The following PDCD6IP variants were observed in gnomAD, a reference collection of about 807,000 sequenced individuals.
PDCD6IP encodes the protein programmed cell death 6-interacting protein.
A neutral mutation model predicts 103.7 loss-of-function variants in PDCD6IP; 43 were observed. The ratio of observed to expected loss-of-function variants is 0.41; its 90% CI spans 0.32 to 0.53. PDCD6IP has a LOEUF of 0.53. Ranked by LOEUF, PDCD6IP falls within the 20% of genes least tolerant of loss-of-function variation. The probability of loss-of-function intolerance (pLI) is 0.16; values close to 1 mark genes in which losing one functional copy is unlikely to be tolerated. For synonymous variants in PDCD6IP, 354 were observed against 378.7 expected (o/e 0.93, Z 0.76); for missense variants, 871 against 1,036.7 (o/e 0.84, Z 2.20).
chr3:33,836,289 C>T (rs1397034739), intron 8 of PDCD6IP, 23 bp downstream of exon 8: 31 of 1,329,004 alleles, frequency 2.3e-5, no homozygotes, highest in Non-Finnish European at 3.3e-5. Flanking sequence ...TTCAGACACA[C>T]TTTAATCTCA....
intron 7 of PDCD6IP, chr3:33,835,157 CTTATGTTCATTTTT>C (rs1388697209): frequency 3.7e-5 from 17 of 453,376 alleles, no homozygotes; most frequent in Admixed American, 1.7e-4. Flanking sequence ...TTGTATGCGG[CTTATGTTCATTTTT>C]TTATAAGGCC....
intron 1 of PDCD6IP, among the ~76,000 whole-genome samples, chr3:33,805,819 A>G (rs986589297): frequency 1.3e-5 from 2 of 151,498 alleles, no homozygotes; most frequent in Non-Finnish European, 2.9e-5. Context: ...ATCTTGGCTC[A>G]CTGCAAGCTC....
At position 33,867,364 on chromosome 3, in the gene PDCD6IP, A is replaced by AT. The variant is rs765087416; in HGVS notation, c.*845dup. Reference sequence around the variant, plus strand: ...TGCAAATTCTGGTAATAATTCTTGCATTTTTTCCCCATAACCTGGTTAAAA... The same window carrying AT: ...TGCAAATTCTGGTAATAATTCTTGCATTTTTTTCCCCATAACCTGGTTAAAA... On this transcript the variant is annotated 3_prime_UTR_variant, in exon 18 of 18. Coordinates refer to ENST00000307296, the MANE Select transcript of PDCD6IP (RefSeq NM_013374.6). 17 of 152,232 alleles carry AT rather than the reference A, an allele frequency of 1.1e-4. No homozygotes were observed. The highest frequency in any genetic ancestry group is 1.9e-4 in the African/African-American group (8 of 41,558). 9.4% of individuals were successfully genotyped at this position (152,232 alleles called of 1,614,324 possible).
intron 3 of PDCD6IP, among the ~76,000 whole-genome samples, chr3:33,818,803 CA>C (rs1227175621): frequency 6.6e-6 from 1 of 152,134 alleles, no homozygotes; most frequent in African/African-American, 2.4e-5. Flanking sequence ...AGGCGTGAGC[CA>C]CTGCACCTGG....
chr3:33,821,237 T>G (rs1400482089), intron 3 of PDCD6IP, among the ~76,000 whole-genome samples: 1 of 151,992 alleles, frequency 6.6e-6, no homozygotes, highest in East Asian at 1.9e-4. Flanking sequence ...CTCAAACTCT[T>G]GGCTTCAAGA....
At chr3:33,823,965 G>A (rs1355230946) in intron 4 of PDCD6IP, among the ~76,000 whole-genome samples, 1 of 152,144 alleles carries the variant, frequency 6.6e-6, no homozygotes, top group Non-Finnish European at 1.5e-5. Context: ...GATAACTGGT[G>A]GTATTAGACC....
intron 16 of PDCD6IP, 32 bp from the exon 17 acceptor site, chr3:33,865,211 A>G (rs1323540824): frequency 6.9e-7 from 1 of 1,453,510 alleles, no homozygotes. Flanking sequence ...AATATGAAAC[A>G]TTTTATAGTC....
At chr3:33,830,811 A>G (rs747299237) in intron 7 of PDCD6IP, among the ~76,000 whole-genome samples, 11 of 152,344 alleles carry the variant, frequency 7.2e-5, no homozygotes, top group Middle Eastern at 3.4e-3. Flanking sequence ...TGCACTCCCA[A>G]GAAGACAAAC....
At chr3:33,834,715 A>G (rs1280243259) in intron 7 of PDCD6IP, among the ~76,000 whole-genome samples, 1 of 152,116 alleles carries the variant, frequency 6.6e-6, no homozygotes, top group Non-Finnish European at 1.5e-5. Flanking sequence ...CTAGTATTAA[A>G]CCATTTTTGT....
chr3:33,840,227 TAAG>T (rs1238933061), intron 9 of PDCD6IP, among the ~76,000 whole-genome samples: 3 of 152,286 alleles, frequency 2.0e-5, no homozygotes, highest in African/African-American at 4.8e-5. Context: ...AAAATACTAT[TAAG>T]AAAATCATAA....
At chr3:33,819,606 A>C (rs1696942169) in intron 3 of PDCD6IP, among the ~76,000 whole-genome samples, 1 of 152,208 alleles carries the variant, frequency 6.6e-6, no homozygotes, top group African/African-American at 2.4e-5. Flanking sequence ...ATTACCTAGG[A>C]GGCCACCAAA....
intron 3 of PDCD6IP, among the ~76,000 whole-genome samples, chr3:33,820,706 T>C (rs1473921181): frequency 1.3e-5 from 2 of 152,242 alleles, no homozygotes; most frequent in African/African-American, 4.8e-5. Context: ...GTCCTCAAGA[T>C]TCATCCGTGT....
intron 3 of PDCD6IP, among the ~76,000 whole-genome samples, chr3:33,818,000 G>C (rs781425001): frequency 6.6e-6 from 1 of 151,022 alleles, no homozygotes; most frequent in Non-Finnish European, 1.5e-5. Flanking sequence ...CTACAGTCTG[G>C]TATGATAATA....
intron 7 of PDCD6IP, among the ~76,000 whole-genome samples, chr3:33,829,278 T>G (rs1032596626): frequency 1.3e-5 from 2 of 152,232 alleles, no homozygotes; most frequent in African/African-American, 2.4e-5. Context: ...CATGGTTTTT[T>G]GAGGTCTCAT....
At chr3:33,822,222 C>T in intron 4 of PDCD6IP, 140 bp downstream of exon 4, 2 of 863,546 alleles carry the variant, frequency 2.3e-6, no homozygotes, top group Non-Finnish European at 3.6e-6. Flanking sequence ...TGAATTTATT[C>T]TTACTGTTAA....
chr3:33,833,697 G>A (rs1055882457), intron 7 of PDCD6IP, among the ~76,000 whole-genome samples: 3 of 152,090 alleles, frequency 2.0e-5, no homozygotes, highest in Non-Finnish European at 4.4e-5. Flanking sequence ...CTGCTTTGCG[G>A]CAATATTTCT....
At chr3:33,808,795 A>G (rs1363449315) in intron 1 of PDCD6IP, among the ~76,000 whole-genome samples, 1 of 152,156 alleles carries the variant, frequency 6.6e-6, no homozygotes, top group Non-Finnish European at 1.5e-5. Flanking sequence ...ACACTCTTAC[A>G]CTATATAGTA....
intron 3 of PDCD6IP, among the ~76,000 whole-genome samples, chr3:33,816,922 T>C (rs1696866216): frequency 6.6e-6 from 1 of 152,098 alleles, no homozygotes; most frequent in Non-Finnish European, 1.5e-5. Context: ...CCAGAAGAAC[T>C]GGGAAGCAAA....
chr3:33,861,722 C>T (rs914659428), intron 15 of PDCD6IP, among the ~76,000 whole-genome samples: 2 of 152,154 alleles, frequency 1.3e-5, no homozygotes, highest in African/African-American at 2.4e-5. Context: ...AGCTATTCTG[C>T]TGGGTTTGTA....
Sources: gnomAD v4.1 joint callset for allele counts (sites outside exome capture counted in the v4.1 genomes callset) on GRCh38, gnomAD v4.1.1 for gene constraint, MANE v1.5 for transcripts, NCBI Gene and HGNC (gene_info 2026-07-23, HGNC 2026-07-21) for gene names.